The following WWC2 variants were observed in gnomAD, a reference collection of about 807,000 sequenced individuals.
WWC2 encodes the protein protein WWC2.
Under a neutral mutation model 138.5 loss-of-function variants are expected in WWC2, and 101 were observed. That is an observed-to-expected ratio of 0.73 (90% CI 0.62 to 0.86). WWC2 has a LOEUF of 0.86. WWC2 is among the 40% of genes least tolerant of loss of function. The pLI, the probability that WWC2 is intolerant of heterozygous loss-of-function variation, is 0.00. For missense variants in WWC2, 1,420 were observed against 1,419.4 expected (o/e 1.00, Z -0.01); for synonymous variants, 558 against 538.4 (o/e 1.04, Z -0.50).
At chr4:183,243,536 A>T (rs1736678486) in intron 5 of WWC2, among the ~76,000 whole-genome samples, 1 of 152,208 alleles carries the variant, frequency 6.6e-6, no homozygotes, top group Non-Finnish European at 1.5e-5. Flanking sequence ...TATTCAAAGT[A>T]CTTCACTAGT....
At chr4:183,114,860 C>T (rs1416366032) in intron 1 of WWC2, among the ~76,000 whole-genome samples, 4 of 152,162 alleles carry the variant, frequency 2.6e-5, no homozygotes, top group South Asian at 2.1e-4. Flanking sequence ...CTCATTCTAT[C>T]GCCTAGGCTA....
chr4:183,124,237 G>A (rs895163433), intron 1 of WWC2, among the ~76,000 whole-genome samples: 1 of 152,046 alleles, frequency 6.6e-6, no homozygotes, highest in African/African-American at 2.4e-5. Flanking sequence ...ACATTTTCCT[G>A]GAAAGAAATC....
At chr4:183,284,841 A>G (rs1738194556) in intron 19 of WWC2, among the ~76,000 whole-genome samples, 2 of 152,332 alleles carry the variant, frequency 1.3e-5, no homozygotes, top group East Asian at 3.9e-4. Context: ...TAAACACTGA[A>G]TCACATCCAT....
At position 183,248,824 on chromosome 4, in the gene WWC2, C is replaced by A; in HGVS notation, c.843C>A (p.Thr281=). 1 of 1,601,902 alleles carries A rather than the reference C, an allele frequency of 6.2e-7. No homozygotes were observed. The highest frequency in any genetic ancestry group is 8.5e-7 in the Non-Finnish European group (1 of 1,173,270). The change falls in exon 7 of 23, where the codon ACC becomes ACA. Residue 281 remains threonine (T), a synonymous_variant. Transcript: ENST00000403733. ...CTCATTTATGTCTCTCCAGACAGAC[C>A]CTTGATGCTGGGTCACAAACAAGCA... ...VNSHLCLSRQ[T]LDAGSQTSIS... is the part of the protein sequence containing the mutation.
At chr4:183,239,818 G>T (rs1245568248) in intron 4 of WWC2, among the ~76,000 whole-genome samples, 2 of 152,148 alleles carry the variant, frequency 1.3e-5, no homozygotes, top group African/African-American at 4.8e-5. Context: ...GGAACGGAGG[G>T]GTGGGCAGTG....
intron 1 of WWC2, among the ~76,000 whole-genome samples, chr4:183,168,983 G>A (rs1734200830): frequency 6.6e-6 from 1 of 152,070 alleles, no homozygotes; most frequent in South Asian, 2.1e-4. Flanking sequence ...CGAGTAGCTG[G>A]TATTACAGGC....
At chr4:183,221,302 A>G (rs1735929108) in intron 4 of WWC2, among the ~76,000 whole-genome samples, 1 of 152,236 alleles carries the variant, frequency 6.6e-6, no homozygotes, top group African/African-American at 2.4e-5. Context: ...TGGAATAAAG[A>G]CCAATACAAC....
intron 1 of WWC2, among the ~76,000 whole-genome samples, chr4:183,179,647 C>G (rs921373651): frequency 6.6e-6 from 1 of 152,018 alleles, no homozygotes; most frequent in Admixed American, 6.6e-5. Flanking sequence ...ATTTTCCAAA[C>G]AGGTCATTTG....
intron 22 of WWC2, among the ~76,000 whole-genome samples, chr4:183,313,825 A>C (rs1242417619): frequency 6.7e-6 from 1 of 150,176 alleles, no homozygotes; most frequent in East Asian, 2.0e-4. Context: ...ATTGATGGAG[A>C]GAACTGAAAA....
At chr4:183,220,803 C>T (rs1466225669) in intron 4 of WWC2, among the ~76,000 whole-genome samples, 1 of 150,932 alleles carries the variant, frequency 6.6e-6, no homozygotes, top group Non-Finnish European at 1.5e-5. Flanking sequence ...CACTGCACCC[C>T]AGCCTGGGCG....
rs1736123486 is a variant in WWC2 at position 183,228,035 on chromosome 4, G to A, written c.523-12148G>A. 2.6e-5 allele frequency among the ~76,000 whole-genome samples: 4 copies of A among 152,008 alleles called. No homozygotes were observed. The South Asian group carries it at 8.3e-4, about 32-fold the overall frequency. On this transcript the variant is annotated intron_variant, in intron 4 of 22. Coordinates refer to ENST00000403733, the MANE Select transcript of WWC2 (RefSeq NM_024949.6). ...TTAAAAATACAATGGTTAAAAGACT[G>A]GATTTGGAAAGAAAATCTACCTATA...
intron 20 of WWC2, among the ~76,000 whole-genome samples, chr4:183,286,625 A>C (rs11930293): frequency 0.086 from 13,029 of 152,268 alleles, 723 homozygotes; most frequent in South Asian, 0.17. Context: ...GGTCTGTTCA[A>C]GTAGTTCAGA....
intron 1 of WWC2, among the ~76,000 whole-genome samples, chr4:183,111,010 C>T (rs1440263876): frequency 7.2e-5 from 11 of 151,958 alleles, no homozygotes; most frequent in African/African-American, 2.2e-4. Context: ...GAGGCTGAGG[C>T]GGGCGGATCA....
chr4:183,118,012 C>A lies in WWC2; in HGVS notation c.131+18390C>A, dbSNP rs577231993. Among the ~76,000 whole-genome samples, 217 of 151,906 alleles carry A rather than the reference C, an allele frequency of 1.4e-3. 1 individual carries two copies. The highest frequency in any genetic ancestry group is 0.01 in the Middle Eastern group (3 of 292). On this transcript the variant is annotated intron_variant, in intron 1 of 22. Coordinates refer to ENST00000403733, the MANE Select transcript of WWC2 (RefSeq NM_024949.6). ...ACGGGGTTTCGCCATGTTGGCCAGG[C>A]TGGTCTTGAACTGCTGACTTCGTGA...
intron 18 of WWC2, among the ~76,000 whole-genome samples, chr4:183,283,931 T>G (rs1168244611): frequency 6.6e-6 from 1 of 152,194 alleles, no homozygotes; most frequent in South Asian, 2.1e-4. Flanking sequence ...GTTCAACCCT[T>G]TGGAGGCAGC....
At chr4:183,209,057 A>G in intron 4 of WWC2, 32 bp downstream of exon 4, 1 of 1,449,148 alleles carries the variant, frequency 6.9e-7, no homozygotes, top group Non-Finnish European at 9.5e-7. Flanking sequence ...TTCTATGTTG[A>G]CCCATATGCA....
intron 1 of WWC2, among the ~76,000 whole-genome samples, chr4:183,123,935 C>T (rs1340464346): frequency 1.3e-5 from 2 of 151,712 alleles, no homozygotes; most frequent in Non-Finnish European, 2.9e-5. Context: ...CCTTGTTTAC[C>T]AGATTTTGGT....
intron 1 of WWC2, among the ~76,000 whole-genome samples, chr4:183,193,153 T>C (rs1252814482): frequency 6.6e-6 from 1 of 152,238 alleles, no homozygotes; most frequent in African/African-American, 2.4e-5. Flanking sequence ...CACAGTTGAA[T>C]GTTTAGTTAA....
intron 6 of WWC2, 131 bp downstream of exon 6, chr4:183,245,676 C>G (rs757201859): frequency 8.3e-5 from 89 of 1,069,980 alleles, no homozygotes; most frequent in Middle Eastern, 6.7e-4. Flanking sequence ...GCAGAATGGG[C>G]CCTGTGGAGA....
Sources: allele counts gnomAD v4.1 joint callset (sites outside exome capture counted in the v4.1 genomes callset), GRCh38; gene constraint gnomAD v4.1.1; transcripts MANE v1.5; gene names NCBI Gene and HGNC (gene_info 2026-07-23, HGNC 2026-07-21).